The following SNTG2 variants were observed in gnomAD, a reference collection of about 807,000 sequenced individuals.
SNTG2 encodes gamma-2-syntrophin.
In SNTG2, 74 loss-of-function variants were observed where a neutral mutation model predicts 70.9. That is an observed-to-expected ratio of 1.04 (90% CI 0.86 to 1.27). SNTG2 has a LOEUF of 1.27. SNTG2 is among the 50% of genes most tolerant of loss of function. SNTG2 has a pLI of 0.00. For synonymous variants in SNTG2, 278 were observed against 273.8 expected (o/e 1.02, Z -0.15); for missense variants, 717 against 690.7 (o/e 1.04, Z -0.43).
intron 14 of SNTG2, among the ~76,000 whole-genome samples, chr2:1,306,958 G>A (rs1680706525): frequency 6.6e-6 from 1 of 151,926 alleles, no homozygotes; most frequent in Non-Finnish European, 1.5e-5. Context: ...GGCTGTGTGG[G>A]TGTGAGCCGG....
intron 16 of SNTG2, among the ~76,000 whole-genome samples, chr2:1,351,714 G>A (rs1660590670): frequency 6.6e-6 from 1 of 152,184 alleles, no homozygotes; most frequent in African/African-American, 2.4e-5. Context: ...TGGGGGAAAA[G>A]CACCTGCTCA....
At chr2:1,361,948 G>A (rs372813520) in intron 16 of SNTG2, among the ~76,000 whole-genome samples, 3 of 34,374 alleles carry the variant, frequency 8.7e-5, no homozygotes, top group Admixed American at 3.6e-4. Flanking sequence ...CTTCCATGAA[G>A]GTCACCAACG....
At chr2:1,082,325 T>A (rs929195462) in intron 1 of SNTG2, among the ~76,000 whole-genome samples, 4 of 152,208 alleles carry the variant, frequency 2.6e-5, no homozygotes, top group African/African-American at 4.8e-5. Context: ...TCAGCCTGGA[T>A]CTTACCTGAT....
chr2:1,032,369 A>C (rs1160764536), intron 1 of SNTG2, among the ~76,000 whole-genome samples: 1 of 152,200 alleles, frequency 6.6e-6, no homozygotes, highest in Non-Finnish European at 1.5e-5. Flanking sequence ...ATGAAAACGA[A>C]ACTACACACA....
At chr2:1,181,715 T>C (rs1006979307) in intron 8 of SNTG2, among the ~76,000 whole-genome samples, 9 of 152,218 alleles carry the variant, frequency 5.9e-5, no homozygotes, top group Non-Finnish European at 1.3e-4. Context: ...AACTACTGCT[T>C]TCCTAGAAGT....
At chr2:1,037,182 CTG>C (rs1317566620) in intron 1 of SNTG2, among the ~76,000 whole-genome samples, 1 of 152,250 alleles carries the variant, frequency 6.6e-6, no homozygotes, top group Non-Finnish European at 1.5e-5. Context: ...CTGCTTCTCT[CTG>C]TGGTGCGGAG....
At chr2:1,300,715 TATG>T (rs1680424826) in intron 14 of SNTG2, among the ~76,000 whole-genome samples, 1 of 152,232 alleles carries the variant, frequency 6.6e-6, no homozygotes, top group Non-Finnish European at 1.5e-5. Context: ...GTATGTTGTC[TATG>T]ATACTTAAAA....
chr2:1,320,495 A>C (rs1572977711), intron 16 of SNTG2, among the ~76,000 whole-genome samples: 1 of 146,542 alleles, frequency 6.8e-6, no homozygotes, highest in Non-Finnish European at 1.5e-5. Flanking sequence ...TCATCGCGCC[A>C]CTGTACTCCA....
At chr2:1,237,553 G>A (rs1351052442) in intron 9 of SNTG2, among the ~76,000 whole-genome samples, 1 of 152,202 alleles carries the variant, frequency 6.6e-6, no homozygotes, top group African/African-American at 2.4e-5. Flanking sequence ...CCCATCAGGA[G>A]CTTTAAGTGC....
chr2:1,341,060 C>T (rs755212260), intron 16 of SNTG2: 15 of 152,166 alleles, frequency 9.9e-5, no homozygotes, highest in East Asian at 1.9e-4. Context: ...GTTTTGGAAA[C>T]GTGCCTTTCT....
chr2:1,246,510 C>T (rs1342172596), intron 11 of SNTG2, among the ~76,000 whole-genome samples: 1 of 152,234 alleles, frequency 6.6e-6, no homozygotes, highest in African/African-American at 2.4e-5. Flanking sequence ...TGGTTCTCAA[C>T]TTTTAATAGC....
intron 1 of SNTG2, among the ~76,000 whole-genome samples, chr2:1,034,107 A>G (rs1023692594): frequency 2.0e-5 from 3 of 151,708 alleles, no homozygotes; most frequent in South Asian, 2.1e-4. Flanking sequence ...ATCCAGTAGC[A>G]TTTTTTTTCT....
At chr2:1,186,181 T>C (rs960957129) in intron 8 of SNTG2, among the ~76,000 whole-genome samples, 1 of 152,198 alleles carries the variant, frequency 6.6e-6, no homozygotes, top group Non-Finnish European at 1.5e-5. Flanking sequence ...GTAACAAAAG[T>C]GATGACCTTT....
At position 1,083,637 on chromosome 2, in the gene SNTG2, A is replaced by G. The variant is rs759657981; in HGVS notation, c.192A>G (p.Gly64=). Residue 64 remains glycine, a synonymous_variant, in exon 2 of 17, where the codon GGA becomes GGG. Coordinates refer to ENST00000308624, the MANE Select transcript of SNTG2 (RefSeq NM_018968.4). ...IQKQDVVCVG[G]SHQGRNRRTV... ...AACAAGATGTTGTCTGTGTGGGCGG[A>G]AGCCACCAGGGCAGGAATGTAAGTG... is the stretch of plus-strand genomic sequence containing the variant. 6 of 1,613,778 alleles carry G rather than the reference A, an allele frequency of 3.7e-6. No individual in the cohort carries two copies. In the Admixed American group the frequency reaches 1.0e-4, roughly 27 times the overall value.
At chr2:1,087,992 A>G (rs907152238) in intron 2 of SNTG2, among the ~76,000 whole-genome samples, 2 of 152,210 alleles carry the variant, frequency 1.3e-5, no homozygotes, top group Non-Finnish European at 2.9e-5. Context: ...ATCTAAATTT[A>G]TATCTATATT....
At chr2:1,356,554 G>T (rs1660862931) in intron 16 of SNTG2, among the ~76,000 whole-genome samples, 1 of 152,070 alleles carries the variant, frequency 6.6e-6, no homozygotes, top group African/African-American at 2.4e-5. Flanking sequence ...TGTGTCTTTA[G>T]TACCATACCA....
At chr2:1,309,089 G>A (rs1424544362) in intron 15 of SNTG2, among the ~76,000 whole-genome samples, 2 of 152,134 alleles carry the variant, frequency 1.3e-5, no homozygotes, top group South Asian at 2.1e-4. Context: ...CCACTGTTTT[G>A]TCATAATATT....
intron 6 of SNTG2, among the ~76,000 whole-genome samples, chr2:1,162,076 A>AAC: frequency 6.7e-6 from 1 of 149,630 alleles, no homozygotes; most frequent in Non-Finnish European, 1.5e-5. Flanking sequence ...CGTCTCAAAA[A>AAC]AAAAAAAAAA....
intron 1 of SNTG2, among the ~76,000 whole-genome samples, chr2:1,073,859 A>G (rs1663739595): frequency 6.6e-6 from 1 of 152,254 alleles, no homozygotes; most frequent in Non-Finnish European, 1.5e-5. Context: ...GTTATATGTT[A>G]AAAGCGTGTC....
Sources: gnomAD v4.1 joint callset for allele counts (sites outside exome capture counted in the v4.1 genomes callset) on GRCh38, gnomAD v4.1.1 for gene constraint, MANE v1.5 for transcripts, NCBI Gene and HGNC (gene_info 2026-07-23, HGNC 2026-07-21) for gene names.